The following NPR3 variants were observed in gnomAD, a reference collection of about 807,000 sequenced individuals.
The protein encoded by NPR3 is atrial natriuretic peptide receptor 3.
A neutral mutation model predicts 54.5 loss-of-function variants in NPR3; 34 were observed. The observed-to-expected ratio is 0.62, with a 90% CI of 0.47 to 0.83. The LOEUF (loss-of-function observed/expected upper bound fraction) is 0.83, where lower values mean the gene tolerates loss of function less well. Ranked by LOEUF, NPR3 falls within the 40% of genes least tolerant of loss-of-function variation. The pLI is 0.00. For missense variants in NPR3, 674 were observed against 720.8 expected (o/e 0.94, Z 0.74); for synonymous variants, 289 against 297.1 (o/e 0.97, Z 0.28).
intron 3 of NPR3, among the ~76,000 whole-genome samples, chr5:32,760,321 T>C (rs1337471000): frequency 6.6e-6 from 1 of 152,196 alleles, no homozygotes; most frequent in African/African-American, 2.4e-5. Context: ...CAACCAGCAA[T>C]GTATGGAGTT....
chr5:32,698,167 A>G (rs1201571013), intron 1 of NPR3, among the ~76,000 whole-genome samples: 1 of 151,878 alleles, frequency 6.6e-6, no homozygotes, highest in African/African-American at 2.4e-5. Flanking sequence ...ACTGTATCCC[A>G]TGGGTTTTGG....
intron 2 of NPR3, among the ~76,000 whole-genome samples, chr5:32,725,163 G>A (rs150573465): frequency 1.2e-4 from 19 of 152,210 alleles, no homozygotes; most frequent in Non-Finnish European, 2.4e-4. Context: ...TGGGTACTAC[G>A]TTCACCACCT....
Position 32,764,657 on chromosome 5 carries a change from G to A in NPR3, c.1060-10051G>A, listed in dbSNP as rs139093965. ...ACAAAAGTTAGCCGGGCGTGGTGGCGGGTGCCTGTAGTCCCAGCTACTTGG... is the reference window on the plus strand; with the variant it reads ...ACAAAAGTTAGCCGGGCGTGGTGGCAGGTGCCTGTAGTCCCAGCTACTTGG... On this transcript the variant is annotated intron_variant, in intron 3 of 7. Transcript: ENST00000265074. Among the ~76,000 whole-genome samples, 715 of 151,428 alleles carry A rather than the reference G, an allele frequency of 4.7e-3. 8 individuals carry two copies. Among genetic ancestry groups the A allele is most frequent in the African/African-American group, 0.017 (688 of 41,274 alleles).
At chr5:32,784,939 AT>A in intron 7 of NPR3, 56 bp downstream of exon 7, 1 of 1,292,752 alleles carries the variant, frequency 7.7e-7, no homozygotes, top group Non-Finnish European at 1.1e-6. Flanking sequence ...TTGTCATTTG[AT>A]TTTACATGAT....
chr5:32,727,086 T>C (rs1202420505), intron 2 of NPR3, among the ~76,000 whole-genome samples: 1 of 152,218 alleles, frequency 6.6e-6, no homozygotes, highest in Non-Finnish European at 1.5e-5. Context: ...AATAAATTTC[T>C]AGAAGTGGAA....
chr5:32,724,749 C>A lies in NPR3; in HGVS notation c.821C>A (p.Ala274Glu). Residue 274 changes from alanine (A) to glutamate (E), a missense_variant, in exon 2 of 8, where the codon GCG becomes GAG. Transcript: ENST00000265074. ...SDTIRSIMLV[A>E]HRHGMTSGDY... Reference sequence around the variant, plus strand: ...ACCATCCGGAGCATCATGCTGGTGGCGCACAGGCATGGCATGACCAGTGGA... The same window carrying A: ...ACCATCCGGAGCATCATGCTGGTGGAGCACAGGCATGGCATGACCAGTGGA... The A allele has an allele frequency of 6.2e-7, 1 of 1,613,834 alleles. No homozygotes were observed. The highest frequency in any genetic ancestry group is 8.5e-7 in the Non-Finnish European group (1 of 1,179,790).
chr5:32,770,869 C>T (rs554468348), intron 3 of NPR3, among the ~76,000 whole-genome samples: 47 of 152,282 alleles, frequency 3.1e-4, no homozygotes, highest in African/African-American at 1.1e-3. Flanking sequence ...GTGGGGAAAT[C>T]CCAGTTGTTT....
chr5:32,721,805 G>A (rs1423058597), intron 1 of NPR3, among the ~76,000 whole-genome samples: 1 of 152,184 alleles, frequency 6.6e-6, no homozygotes, highest in Non-Finnish European at 1.5e-5. Context: ...AGTTTATTTA[G>A]CTTATGGTTC....
intron 3 of NPR3, among the ~76,000 whole-genome samples, chr5:32,750,668 AAG>A (rs1740529444): frequency 6.6e-6 from 1 of 152,076 alleles, no homozygotes; most frequent in Non-Finnish European, 1.5e-5. Context: ...AAGCAGGGGA[AAG>A]AGAGACAGGA....
chr5:32,729,553 G>T (rs1739348738), intron 2 of NPR3, among the ~76,000 whole-genome samples: 1 of 152,144 alleles, frequency 6.6e-6, no homozygotes, highest in Non-Finnish European at 1.5e-5. Flanking sequence ...TTTCATCATT[G>T]TATGAACACC....
chr5:32,770,922 G>A lies in NPR3; in HGVS notation c.1060-3786G>A, dbSNP rs1267755682. 2.0e-5 allele frequency among the ~76,000 whole-genome samples: 3 copies of A among 152,192 alleles called. No individual in the cohort carries two copies. In the East Asian group the frequency reaches 5.8e-4, roughly 29 times the overall value. On this transcript the variant is annotated intron_variant, in intron 3 of 7. Transcript: ENST00000265074. ...ACAGCATAACGACAGCATGACCTGT[G>A]TTAGTCAGGACTTGGACTTTGAGGT...
intron 3 of NPR3, among the ~76,000 whole-genome samples, chr5:32,762,536 A>G (rs575104531): frequency 1.3e-5 from 2 of 151,432 alleles, no homozygotes; most frequent in South Asian, 2.1e-4. Flanking sequence ...GCATTTCTCT[A>G]ATGACCAGTG....
intron 1 of NPR3, among the ~76,000 whole-genome samples, chr5:32,694,173 A>G (rs150730794): frequency 2.0e-3 from 303 of 152,352 alleles, no homozygotes; most frequent in African/African-American, 7.0e-3. Flanking sequence ...TGCTGGTCTC[A>G]AGCTTACTTG....
At chr5:32,759,550 CTT>C (rs1579669202) in intron 3 of NPR3, among the ~76,000 whole-genome samples, 3 of 152,168 alleles carry the variant, frequency 2.0e-5, no homozygotes, top group Admixed American at 2.0e-4. Flanking sequence ...GGTCTTGACT[CTT>C]TATCCAATTT....
In NPR3 at chr5:32,711,346, G is replaced by A. The variant is rs1054673764; in HGVS notation, c.-431G>A. On this transcript the variant is annotated 5_prime_UTR_variant, in exon 1 of 8. Transcript: ENST00000265074. ...GGCGCGAATCAATGAGATCAAATGC[G>A]AGGGAGATGCACCGTCAATTACAAA... 3 of 988,666 alleles carry A rather than the reference G, an allele frequency of 3.0e-6. No homozygotes were observed. Among genetic ancestry groups the A allele is most frequent in the African/African-American group, 3.5e-5 (2 of 57,474 alleles). 61.2% of individuals were successfully genotyped at this position (988,666 alleles called of 1,614,324 possible).
chr5:32,712,616 TC>T, intron 1 of NPR3, 71 bp downstream of exon 1: 1 of 1,407,064 alleles, frequency 7.1e-7, no homozygotes, highest in South Asian at 1.4e-5. Context: ...TGCACACTCG[TC>T]CACTCTGCAG....
chr5:32,758,620 C>G (rs1220078571), intron 3 of NPR3, among the ~76,000 whole-genome samples: 1 of 152,004 alleles, frequency 6.6e-6, no homozygotes, highest in Non-Finnish European at 1.5e-5. Context: ...CTTCTCTGAT[C>G]TTAGTTATTT....
rs151098831 is a variant in NPR3 at position 32,727,560 on chromosome 5, G to C, written c.892+2740G>C. ...TTTATTTAATTGAATTTCTTTTTAT[G>C]TTTATAAGCAAAGTTTTGCAGTTTT... is the stretch of plus-strand genomic sequence containing the variant. On this transcript the variant is annotated intron_variant, in intron 2 of 7. Coordinates refer to ENST00000265074, the MANE Select transcript of NPR3 (RefSeq NM_001204375.2). 6.7e-3 allele frequency among the ~76,000 whole-genome samples: 1,017 copies of C among 152,108 alleles called. 8 individuals carry two copies. Among genetic ancestry groups the C allele is most frequent in the Middle Eastern group, 0.024 (7 of 294 alleles).
chr5:32,761,794 A>ATT (rs200968426), intron 3 of NPR3, among the ~76,000 whole-genome samples: 1 of 148,076 alleles, frequency 6.8e-6, no homozygotes, highest in South Asian at 2.1e-4. Context: ...CAAAAATATA[A>ATT]TTTTTTTTTT....
Sources: gnomAD v4.1 joint callset for allele counts (sites outside exome capture counted in the v4.1 genomes callset) on GRCh38, gnomAD v4.1.1 for gene constraint, MANE v1.5 for transcripts, NCBI Gene and HGNC (gene_info 2026-07-23, HGNC 2026-07-21) for gene names.